The following CDK8 variants were observed in gnomAD, a reference collection of about 807,000 sequenced individuals.
CDK8 encodes cyclin dependent kinase 8.
A neutral mutation model predicts 71.5 loss-of-function variants in CDK8; 29 were observed. The ratio of observed to expected loss-of-function variants is 0.41; its 90% CI spans 0.30 to 0.55. CDK8 has a LOEUF of 0.55. Ranked by LOEUF, CDK8 falls within the 20% of genes least tolerant of loss-of-function variation. The probability of loss-of-function intolerance (pLI) is 0.37; values close to 1 mark genes in which losing one functional copy is unlikely to be tolerated. For synonymous variants in CDK8, 161 were observed against 192.1 expected (o/e 0.84, Z 1.34); for missense variants, 288 against 572.6 (o/e 0.50, Z 5.07).
intron 1 of CDK8, among the ~76,000 whole-genome samples, chr13:26,293,333 T>G (rs1873388191): frequency 6.6e-6 from 1 of 152,150 alleles, no homozygotes; most frequent in African/African-American, 2.4e-5. Flanking sequence ...CTGGGCATGG[T>G]GGCTCACGCC....
chr13:26,329,486 T>TG (rs1875201740), intron 1 of CDK8, among the ~76,000 whole-genome samples: 2 of 150,954 alleles, frequency 1.3e-5, no homozygotes, highest in South Asian at 2.1e-4. Context: ...TTTTTTTGTT[T>TG]TTTTTTTGTT....
intron 4 of CDK8, among the ~76,000 whole-genome samples, chr13:26,358,014 A>T (rs562489381): frequency 1.3e-5 from 2 of 152,172 alleles, no homozygotes; most frequent in Admixed American, 6.5e-5. Flanking sequence ...CAAATTATTC[A>T]TCCTTGGCTG....
intron 5 of CDK8, among the ~76,000 whole-genome samples, chr13:26,383,173 C>A (rs1875313161): frequency 6.6e-6 from 1 of 152,158 alleles, no homozygotes; most frequent in South Asian, 2.1e-4. Context: ...GCCAGCCTCA[C>A]CTTTAGTCAC....
At chr13:26,260,573 C>A (rs1157064600) in intron 1 of CDK8, among the ~76,000 whole-genome samples, 4 of 152,030 alleles carry the variant, frequency 2.6e-5, no homozygotes, top group Non-Finnish European at 5.9e-5. Flanking sequence ...GAAAGAAGTT[C>A]TTTTGCTACT....
chr13:26,386,909 T>A (rs1230773074), intron 6 of CDK8, among the ~76,000 whole-genome samples: 1 of 152,208 alleles, frequency 6.6e-6, no homozygotes, highest in African/African-American at 2.4e-5. Flanking sequence ...AGTGATATGC[T>A]GACCACTTGG....
intron 1 of CDK8, among the ~76,000 whole-genome samples, chr13:26,305,677 C>G (rs1472534901): frequency 1.3e-5 from 2 of 152,080 alleles, no homozygotes; most frequent in Non-Finnish European, 2.9e-5. Context: ...ATATTTTCCT[C>G]TAGTATCTCT....
intron 4 of CDK8, among the ~76,000 whole-genome samples, chr13:26,356,163 A>G (rs1223397224): frequency 1.3e-5 from 2 of 152,204 alleles, no homozygotes; most frequent in African/African-American, 4.8e-5. Flanking sequence ...GCCCCCTAAT[A>G]TAGGCAACAA....
chr13:26,289,410 A>G (rs1873190643), intron 1 of CDK8, among the ~76,000 whole-genome samples: 1 of 151,984 alleles, frequency 6.6e-6, no homozygotes, highest in African/African-American at 2.4e-5. Context: ...ATTTATACGT[A>G]GGTATTTGAT....
intron 2 of CDK8, among the ~76,000 whole-genome samples, chr13:26,339,013 CTT>C (rs936157677): frequency 3.3e-5 from 5 of 151,988 alleles, no homozygotes; most frequent in Non-Finnish European, 7.4e-5. Flanking sequence ...CAGCTATTAT[CTT>C]TGCATATATC....
intron 2 of CDK8, among the ~76,000 whole-genome samples, chr13:26,348,353 G>A (rs547017707): frequency 6.6e-6 from 1 of 152,258 alleles, no homozygotes; most frequent in East Asian, 1.9e-4. Context: ...TACAGCAGGA[G>A]GTGAGCCACA....
At chr13:26,392,141 T>C (rs1241139271) in intron 6 of CDK8, among the ~76,000 whole-genome samples, 4 of 152,148 alleles carry the variant, frequency 2.6e-5, no homozygotes, top group African/African-American at 7.2e-5. Context: ...AGAAATGAAA[T>C]ATTTTCAGCT....
At chr13:26,280,574 T>C (rs985102727) in intron 1 of CDK8, among the ~76,000 whole-genome samples, 1 of 152,364 alleles carries the variant, frequency 6.6e-6, no homozygotes, top group Non-Finnish European at 1.5e-5. Flanking sequence ...TGAAAAATAA[T>C]GAATGTCAGC....
At chr13:26,367,360 A>T (rs1001965900) in intron 4 of CDK8, among the ~76,000 whole-genome samples, 1 of 151,626 alleles carries the variant, frequency 6.6e-6, no homozygotes, top group Non-Finnish European at 1.5e-5. Flanking sequence ...GCGATAGAAA[A>T]TCTTGGGTTA....
chr13:26,390,362 A>G (rs2420131), intron 6 of CDK8, among the ~76,000 whole-genome samples: 141,215 of 152,272 alleles, frequency 0.93, 65,537 homozygotes, highest in East Asian at 1. Flanking sequence ...AAACTCACAT[A>G]TGCCCCATCT....
intron 1 of CDK8, among the ~76,000 whole-genome samples, chr13:26,285,330 C>T (rs1872956874): frequency 6.6e-6 from 1 of 152,132 alleles, no homozygotes; most frequent in African/African-American, 2.4e-5. Context: ...GGTTTCATAA[C>T]AGGGATGTAG....
intron 1 of CDK8, among the ~76,000 whole-genome samples, chr13:26,280,417 A>G (rs759150854): frequency 6.6e-6 from 1 of 152,192 alleles, no homozygotes; most frequent in Non-Finnish European, 1.5e-5. Context: ...GGCACTGGCA[A>G]CCGGAGAGGT....
intron 2 of CDK8, among the ~76,000 whole-genome samples, chr13:26,341,261 G>A (rs868600474): frequency 6.6e-6 from 1 of 152,120 alleles, no homozygotes; most frequent in African/African-American, 2.4e-5. Context: ...TGAGTAGTTA[G>A]GATTACAGGT....
At chr13:26,350,860 G>A (rs1434542485) in intron 3 of CDK8, among the ~76,000 whole-genome samples, 1 of 152,148 alleles carries the variant, frequency 6.6e-6, no homozygotes, top group Non-Finnish European at 1.5e-5. Flanking sequence ...GTATTTTGCA[G>A]TTTACTAAGC....
chr13:26,350,771 C>A (rs2137994503), intron 3 of CDK8, among the ~76,000 whole-genome samples: 1 of 152,026 alleles, frequency 6.6e-6, no homozygotes, highest in Middle Eastern at 3.4e-3. Context: ...GAAAATGATG[C>A]TATATTGAAA....
Sources: gnomAD v4.1 joint callset for allele counts (sites outside exome capture counted in the v4.1 genomes callset) on GRCh38, gnomAD v4.1.1 for gene constraint, MANE v1.5 for transcripts, NCBI Gene and HGNC (gene_info 2026-07-23, HGNC 2026-07-21) for gene names.